Variants in MRTFA observed in about 807,000 individuals in gnomAD.
MRTFA encodes myocardin-related transcription factor A.
MRTFA carries 20 observed loss-of-function variants against 83.5 expected under a neutral mutation model. The ratio of observed to expected loss-of-function variants is 0.24; its 90% CI spans 0.17 to 0.35. The LOEUF (loss-of-function observed/expected upper bound fraction) is 0.35. Ranked by LOEUF, MRTFA falls within the 10% of genes least tolerant of loss-of-function variation. The probability of loss-of-function intolerance (pLI) is 1.00; values close to 1 mark genes in which losing one functional copy is unlikely to be tolerated. For synonymous variants in MRTFA, 659 were observed against 541.2 expected, an observed-to-expected ratio of 1.22 and a Z score of -3.02; for missense variants, 1,200 against 1,224.7, an observed-to-expected ratio of 0.98 and a Z score of 0.30.
At chr22:40,621,694 G>T (rs1196326651) in intron 1 of MRTFA, among the ~76,000 whole-genome samples, 1 of 152,128 alleles carries the variant, frequency 6.6e-6, no homozygotes, top group African/African-American at 2.4e-5. Flanking sequence ...GAAAAAGGAA[G>T]GATAACTATG....
chr22:40,628,654 T>TA (rs55678346), intron 1 of MRTFA, among the ~76,000 whole-genome samples: 77 of 142,632 alleles, frequency 5.4e-4, no homozygotes, highest in Middle Eastern at 3.6e-3. Flanking sequence ...AATGTGGAAG[T>TA]AAAAAAAAAA....
intron 3 of MRTFA, among the ~76,000 whole-genome samples, chr22:40,495,126 C>T (rs1602334097): frequency 6.6e-6 from 1 of 151,970 alleles, no homozygotes; most frequent in East Asian, 1.9e-4. Flanking sequence ...GTAATCCCAG[C>T]ACTTTGGGAG....
At chr22:40,476,822 TAAGCACAGTGTACACTG>T (rs1277461061) in intron 3 of MRTFA, among the ~76,000 whole-genome samples, 1 of 152,124 alleles carries the variant, frequency 6.6e-6, no homozygotes, top group African/African-American at 2.4e-5. Flanking sequence ...CCTGAATGGG[TAAGCACAGTGTACACTG>T]TGCCAAAAAC....
intron 2 of MRTFA, among the ~76,000 whole-genome samples, chr22:40,589,199 A>C (rs537750978): frequency 2.0e-5 from 3 of 152,310 alleles, no homozygotes; most frequent in East Asian, 1.9e-4. Flanking sequence ...TACAGCAGGA[A>C]TGTCTATGAT....
intron 3 of MRTFA, among the ~76,000 whole-genome samples, chr22:40,515,834 C>T (rs1236851280): frequency 4.6e-5 from 7 of 152,016 alleles, no homozygotes. Context: ...GAATATAATC[C>T]CTGTGCAGAT....
rs2052738898 is a variant in MRTFA, at chr22:40,418,488, G to A, written c.2250C>T (p.Ile750=). The A allele has an allele frequency of 1.9e-6, 3 of 1,612,342 alleles. No homozygotes were observed. The highest frequency in any genetic ancestry group is 2.5e-6 in the Non-Finnish European group (3 of 1,179,210). ...TGAGGGTGGGAGGTGCAACCCCCTT[G>A]ATGAGGCTGGGGCCCTGAGGCCCCA... is the stretch of plus-strand genomic sequence containing the variant. The change falls in exon 12 of 15, where the codon ATC becomes ATT. Residue 750 remains isoleucine, a synonymous_variant. Coordinates refer to ENST00000355630, the MANE Select transcript of MRTFA (RefSeq NM_020831.6).
At chr22:40,466,675 T>G (rs944542506) in intron 3 of MRTFA, among the ~76,000 whole-genome samples, 1 of 152,220 alleles carries the variant, frequency 6.6e-6, no homozygotes, top group African/African-American at 2.4e-5. Context: ...TGCAATTCAG[T>G]AAGTCTGAAC....
At chr22:40,530,615 A>C (rs2055062236) in intron 3 of MRTFA, among the ~76,000 whole-genome samples, 1 of 152,264 alleles carries the variant, frequency 6.6e-6, no homozygotes, top group African/African-American at 2.4e-5. Flanking sequence ...TCCATCTTAG[A>C]TCATTAATTA....
intron 4 of MRTFA, among the ~76,000 whole-genome samples, chr22:40,449,207 T>C (rs200653826): frequency 6.8e-6 from 1 of 147,270 alleles, no homozygotes; most frequent in African/African-American, 2.5e-5. Context: ...GCGGAGCTTG[T>C]AGTGAGCCGA....
intron 3 of MRTFA, among the ~76,000 whole-genome samples, chr22:40,467,704 G>A (rs761091371): frequency 6.6e-6 from 1 of 151,558 alleles, no homozygotes; most frequent in Non-Finnish European, 1.5e-5. Flanking sequence ...TGGAGATTTA[G>A]GAGAGTAGGA....
intron 3 of MRTFA, among the ~76,000 whole-genome samples, chr22:40,534,699 A>G (rs2055137434): frequency 6.6e-6 from 1 of 152,208 alleles, no homozygotes; most frequent in Admixed American, 6.5e-5. Flanking sequence ...TGATATTCAT[A>G]ACAATGATAT....
chr22:40,536,391 C>T (rs558627263), intron 3 of MRTFA, among the ~76,000 whole-genome samples: 76 of 151,110 alleles, frequency 5.0e-4, no homozygotes, highest in Non-Finnish European at 8.7e-4. Context: ...CAGTCTTTGC[C>T]GCGGCGCCGG....
chr22:40,438,695 AG>A (rs2053217389), intron 4 of MRTFA, among the ~76,000 whole-genome samples: 1 of 152,146 alleles, frequency 6.6e-6, no homozygotes, highest in South Asian at 2.1e-4. Context: ...CTTTTATTAC[AG>A]TGTATTGTTA....
At chr22:40,455,253 T>TA (rs1307523636) in intron 4 of MRTFA, among the ~76,000 whole-genome samples, 1 of 152,244 alleles carries the variant, frequency 6.6e-6, no homozygotes, top group Non-Finnish European at 1.5e-5. Context: ...CACATGCGGC[T>TA]AATGGTTAGT....
chr22:40,493,324 G>C (rs1437042309), intron 3 of MRTFA, among the ~76,000 whole-genome samples: 1 of 152,192 alleles, frequency 6.6e-6, no homozygotes, highest in Admixed American at 6.5e-5. Context: ...GCTAAGCGAG[G>C]CATGCAGTAT....
intron 1 of MRTFA, among the ~76,000 whole-genome samples, chr22:40,631,940 T>C (rs1314718362): frequency 6.6e-6 from 1 of 152,194 alleles, no homozygotes; most frequent in Non-Finnish European, 1.5e-5. Flanking sequence ...GTGGCCAGCC[T>C]CCAAGATGGC....
At chr22:40,632,247 T>C (rs2066690665) in intron 1 of MRTFA, among the ~76,000 whole-genome samples, 1 of 151,940 alleles carries the variant, frequency 6.6e-6, no homozygotes, top group Admixed American at 6.6e-5. Flanking sequence ...CCAGCCTCAG[T>C]CAAGCCTTCA....
At chr22:40,516,752 C>T (rs1213992398) in intron 3 of MRTFA, among the ~76,000 whole-genome samples, 1 of 152,056 alleles carries the variant, frequency 6.6e-6, no homozygotes, top group Non-Finnish European at 1.5e-5. Flanking sequence ...AAACAGCATC[C>T]CTTCTAATCC....
chr22:40,529,052 T>A (rs2055029686), intron 3 of MRTFA, among the ~76,000 whole-genome samples: 3 of 152,124 alleles, frequency 2.0e-5, no homozygotes, highest in Admixed American at 2.0e-4. Context: ...GACCTGTGAG[T>A]GATGTGAACC....
Sources: gnomAD v4.1 joint callset for allele counts (sites outside exome capture counted in the v4.1 genomes callset) on GRCh38, gnomAD v4.1.1 for gene constraint, MANE v1.5 for transcripts, NCBI Gene and HGNC (gene_info 2026-07-23, HGNC 2026-07-21) for gene names.